CFAP251: variants seen among roughly 807,000 people sequenced by gnomAD.
CFAP251 encodes the protein cilia- and flagella-associated protein 251.
A neutral mutation model predicts 126.7 loss-of-function variants in CFAP251; 93 were observed. That is an observed-to-expected ratio of 0.73 (90% confidence interval 0.62 to 0.87). The LOEUF (loss-of-function observed/expected upper bound fraction) is 0.87. Among genes scored for constraint, CFAP251 ranks in the 40% least tolerant of loss-of-function variants. The probability of loss-of-function intolerance (pLI) is 0.00; values close to 1 mark genes in which losing one functional copy is unlikely to be tolerated. For missense variants in CFAP251, 1,287 were observed against 1,389.2 expected (o/e 0.93, Z 1.17); for synonymous variants, 503 against 506.9 (o/e 0.99, Z 0.10).
chr12:121,941,285 G>A (rs11043254), intron 5 of CFAP251, among the ~76,000 whole-genome samples: 17,340 of 147,310 alleles, frequency 0.12, 2,308 homozygotes, highest in African/African-American at 0.33. Flanking sequence ...ACCTGCCTTG[G>A]CCTCCCAAAG....
intron 4 of CFAP251, 141 bp from the exon 5 acceptor site, chr12:121,934,106 G>A: frequency 1.6e-6 from 1 of 608,050 alleles, no homozygotes; most frequent in Non-Finnish European, 2.8e-6. Context: ...CACCCAGGAA[G>A]GCCAGCGGGA....
intron 15 of CFAP251, among the ~76,000 whole-genome samples, chr12:121,963,263 G>A (rs1269380011): frequency 6.6e-6 from 1 of 152,110 alleles, no homozygotes; most frequent in South Asian, 2.1e-4. Context: ...GGGAACAGGA[G>A]GTGTGAGAGA....
At chr12:121,944,668 T>C (rs542610691) in intron 7 of CFAP251, among the ~76,000 whole-genome samples, 3 of 152,376 alleles carry the variant, frequency 2.0e-5, no homozygotes, top group East Asian at 3.9e-4. Context: ...TTTCTTAATT[T>C]CTGTTTTAGA....
intron 3 of CFAP251, among the ~76,000 whole-genome samples, chr12:121,929,319 C>CA (rs907807088): frequency 0.096 from 6,597 of 68,536 alleles, 193 homozygotes; most frequent in Middle Eastern, 0.14. Flanking sequence ...GACTCCATCT[C>CA]AAAAAAAAAA....
intron 7 of CFAP251, among the ~76,000 whole-genome samples, chr12:121,946,615 T>G (rs920956643): frequency 4.6e-5 from 7 of 152,204 alleles, no homozygotes; most frequent in Non-Finnish European, 8.8e-5. Flanking sequence ...GTTCTGTTTT[T>G]GAGACAGGGT....
intron 11 of CFAP251, 87 bp from the exon 12 acceptor site, chr12:121,958,185 C>A (rs1016918946): frequency 6.5e-7 from 1 of 1,548,132 alleles, no homozygotes; most frequent in Non-Finnish European, 8.8e-7. Flanking sequence ...ACGACAGAGG[C>A]GTTTTATGTG....
chr12:121,935,969 A>G (rs1880880162), intron 5 of CFAP251, among the ~76,000 whole-genome samples: 1 of 151,994 alleles, frequency 6.6e-6, no homozygotes. Flanking sequence ...CCCTTTTCTG[A>G]TAGTGCATCC....
At chr12:121,988,787 G>A (rs1882810280) in intron 19 of CFAP251, among the ~76,000 whole-genome samples, 1 of 148,578 alleles carries the variant, frequency 6.7e-6, no homozygotes, top group Non-Finnish European at 1.5e-5. Flanking sequence ...TCTGGCTGGA[G>A]TGCAATGGCG....
rs1405628574 is a variant in CFAP251 at position 121,957,022 on chromosome 12, T to C, written c.1536-52T>C. On this transcript the variant is annotated intron_variant, in intron 10 of 21. Coordinates refer to ENST00000288912, the MANE Select transcript of CFAP251 (RefSeq NM_144668.6). ...GACATATAATTAGGTATTATATAGATGCTACTTGTTATTATTGCTATTTGC... is the reference window on the plus strand; with the variant it reads ...GACATATAATTAGGTATTATATAGACGCTACTTGTTATTATTGCTATTTGC... 6 of 1,422,016 alleles carry C rather than the reference T, an allele frequency of 4.2e-6. No individual in the cohort carries two copies. In the South Asian group the frequency reaches 5.6e-5, roughly 13 times the overall value. 88.1% of individuals were successfully genotyped at this position (1,422,016 alleles called of 1,614,324 possible).
At chr12:121,985,625 A>G (rs1424554083) in intron 19 of CFAP251, among the ~76,000 whole-genome samples, 1 of 151,066 alleles carries the variant, frequency 6.6e-6, no homozygotes, top group Non-Finnish European at 1.5e-5. Flanking sequence ...AATTTTAAAT[A>G]TATAATATAT....
At chr12:121,949,130 G>A (rs1881431692) in intron 8 of CFAP251, 69 bp downstream of exon 8, 6 of 1,026,960 alleles carry the variant, frequency 5.8e-6, no homozygotes, top group Non-Finnish European at 5.7e-6. Flanking sequence ...GAGTACAAAT[G>A]TTTCAGTAAT....
At chr12:121,997,663 C>A (rs1428208841) in intron 19 of CFAP251, 1 of 147,802 alleles carries the variant, frequency 6.8e-6, no homozygotes, top group Non-Finnish European at 1.5e-5. Flanking sequence ...GTACTTTATT[C>A]TTCTTAATCC....
Position 122,002,772 on chromosome 12 carries a change from A to T in CFAP251, c.3338-880A>T, listed in dbSNP as rs749704608. Among the ~76,000 whole-genome samples, 3 of 152,168 alleles carry T rather than the reference A, an allele frequency of 2.0e-5. No individual in the cohort carries two copies. The East Asian group carries it at 5.8e-4, about 29-fold the overall frequency. On this transcript the variant is annotated intron_variant, in intron 21 of 21. Coordinates refer to ENST00000288912, the MANE Select transcript of CFAP251 (RefSeq NM_144668.6). ...CAATCTAAACGGCTCTTCTAGGCTC[A>T]CTGGTACAGGAGCAACTCTGCTGAC...
At chr12:122,003,581 C>A in intron 21 of CFAP251, 71 bp from the exon 22 acceptor site, 3 of 1,272,784 alleles carry the variant, frequency 2.4e-6, no homozygotes, top group Non-Finnish European at 3.4e-6. Flanking sequence ...TCAAACCCCT[C>A]CCCTCACCCA....
At chr12:121,986,902 A>G (rs182911839) in intron 19 of CFAP251, among the ~76,000 whole-genome samples, 1 of 152,236 alleles carries the variant, frequency 6.6e-6, no homozygotes, top group East Asian at 1.9e-4. Flanking sequence ...TTTCTGTACT[A>G]TTTAAGTTCT....
rs957883363 is a variant in CFAP251, at chr12:121,918,927, G to T, written c.-21+232G>T. Among the ~76,000 whole-genome samples, 1 of 152,108 alleles carries T rather than the reference G, an allele frequency of 6.6e-6. No homozygotes were observed. Among genetic ancestry groups the T allele is most frequent in the African/African-American group, 2.4e-5 (1 of 41,430 alleles). ...CCCCAAACCCCTGCGGCTCGAACCC[G>T]GCTGTCCAGACGCGCCGGCGAAGTT... On this transcript the variant is annotated intron_variant, in intron 1 of 21. Coordinates refer to ENST00000288912, the MANE Select transcript of CFAP251 (RefSeq NM_144668.6). The surrounding 1 kb of genome is among the most constrained non-coding windows in gnomAD (Gnocchi z 4.3).
rs548387545 is a variant in CFAP251 at position 122,002,228 on chromosome 12, A to T, written c.3337+630A>T. Among the ~76,000 whole-genome samples, 8 of 151,646 alleles carry T rather than the reference A, an allele frequency of 5.3e-5. No individual in the cohort carries two copies. The East Asian group carries it at 1.6e-3, about 30-fold the overall frequency. On this transcript the variant is annotated intron_variant, in intron 21 of 21. Coordinates refer to ENST00000288912, the MANE Select transcript of CFAP251 (RefSeq NM_144668.6). The stretch of plus-strand genomic sequence containing the variant: ...AAATTAGCCAAGCATGGTGGCACAC[A>T]CCTGTAATCCCAGTTACTTGGGAGG...
Position 121,954,265 on chromosome 12 carries a change from C to T in CFAP251, c.1466C>T (p.Pro489Leu). 6.2e-7 allele frequency: 1 copy of T among 1,614,122 alleles called. No homozygotes were observed. The highest frequency in any genetic ancestry group is 8.5e-7 in the Non-Finnish European group (1 of 1,180,026). Reference sequence around the variant, plus strand: ...TCTGCCTCCACCTTTTTGGGCTTTCCCTATATCAAGCCTTGTAAATTGGTT... The same window carrying T: ...TCTGCCTCCACCTTTTTGGGCTTTCTCTATATCAAGCCTTGTAAATTGGTT... ...PSSASTFLGF[P>L]YIKPCKLVHL... The change falls in exon 10 of 22, where the codon CCC (proline) becomes CTC (leucine). Residue 489 changes from proline to leucine, a missense_variant. Pro to Leu is a moderately conservative substitution (Grantham distance 98). Coordinates refer to ENST00000288912, the MANE Select transcript of CFAP251 (RefSeq NM_144668.6).
At chr12:121,955,602 T>C (rs1467975736) in intron 10 of CFAP251, 2 of 152,140 alleles carry the variant, frequency 1.3e-5, no homozygotes, top group African/African-American at 4.8e-5. Context: ...TGGAGAAAAT[T>C]GCCTAGTGAT....
Sources: gnomAD v4.1 joint callset for allele counts (sites outside exome capture counted in the v4.1 genomes callset) on GRCh38, gnomAD v4.1.1 for gene constraint, Gnocchi (gnomAD v3.1) non-coding constraint, MANE v1.5 for transcripts, NCBI Gene and HGNC (gene_info 2026-07-23, HGNC 2026-07-21) for gene names.